KCNU1: variants seen among roughly 807,000 people sequenced by gnomAD.
The protein encoded by KCNU1 is potassium calcium-activated channel subfamily U member 1, also known as potassium channel subfamily U member 1.
KCNU1 carries 93 observed loss-of-function variants against 126.8 expected under a neutral mutation model. The ratio of observed to expected loss-of-function variants is 0.73; its 90% CI spans 0.62 to 0.87. The LOEUF (loss-of-function observed/expected upper bound fraction) is 0.87. KCNU1 is among the 40% of genes least tolerant of loss of function. KCNU1 has a pLI of 0.00. For missense variants in KCNU1, 1,330 were observed against 1,367.1 expected (o/e 0.97, Z 0.43); for synonymous variants, 523 against 494.2 (o/e 1.06, Z -0.77).
At chr8:36,800,544 C>CT (rs1056032863) in intron 2 of KCNU1, among the ~76,000 whole-genome samples, 2 of 152,234 alleles carry the variant, frequency 1.3e-5, no homozygotes, top group African/African-American at 2.4e-5. Flanking sequence ...TCTGAGAGTG[C>CT]TCAGCCTCAG....
Position 36,909,497 on chromosome 8 carries a change from C to A in KCNU1, c.2293C>A (p.Arg765=), listed in dbSNP as rs776075611. 1.2e-6 allele frequency: 2 copies of A among 1,611,814 alleles called. No individual in the cohort carries two copies. The highest frequency in any genetic ancestry group is 1.7e-4 in the Middle Eastern group (1 of 6,046). ...TCTGGACTATCTACAGAGAGAATGG[C>A]GATTTCTCTGGAATTTTCCCCAGAT... ...GSLDYLQREW[R]FLWNFPQIYI... Residue 765 remains arginine (R), a synonymous_variant, in exon 21 of 27, where the codon CGA becomes AGA. Transcript: ENST00000399881.
intron 10 of KCNU1, among the ~76,000 whole-genome samples, chr8:36,824,958 G>T (rs1277305563): frequency 6.6e-6 from 1 of 152,118 alleles, no homozygotes; most frequent in Admixed American, 6.5e-5. Context: ...TTTTGTATAT[G>T]TATCTTGGTA....
chr8:36,828,717 G>A (rs1377672274), intron 10 of KCNU1, among the ~76,000 whole-genome samples: 1 of 151,900 alleles, frequency 6.6e-6, no homozygotes, highest in Non-Finnish European at 1.5e-5. Flanking sequence ...CTTGTATATG[G>A]CTCCTGGTGG....
intron 16 of KCNU1, 47 bp downstream of exon 16, chr8:36,841,050 T>C: frequency 6.2e-6 from 8 of 1,285,702 alleles, no homozygotes; most frequent in Non-Finnish European, 8.8e-6. Context: ...TTTTTTTTTT[T>C]TTTTTTCCTG....
chr8:36,800,069 CT>C (rs1803248549), intron 2 of KCNU1, among the ~76,000 whole-genome samples: 1 of 152,102 alleles, frequency 6.6e-6, no homozygotes, highest in African/African-American at 2.4e-5. Context: ...CCTCTCAAAT[CT>C]CACTAGAAAC....
chr8:36,794,824 GA>G (rs1172869713), intron 2 of KCNU1, among the ~76,000 whole-genome samples: 3 of 152,084 alleles, frequency 2.0e-5, no homozygotes, highest in African/African-American at 7.2e-5. Flanking sequence ...ATTTAATTGA[GA>G]GGCTGAGGTG....
chr8:36,930,742 G>A (rs1808675479), intron 24 of KCNU1, among the ~76,000 whole-genome samples: 3 of 152,104 alleles, frequency 2.0e-5, no homozygotes, highest in Admixed American at 2.0e-4. Flanking sequence ...AACTGGGTCA[G>A]TATTGTTTTC....
At chr8:36,810,717 G>A (rs1803680299) in intron 7 of KCNU1, among the ~76,000 whole-genome samples, 1 of 152,098 alleles carries the variant, frequency 6.6e-6, no homozygotes, top group Non-Finnish European at 1.5e-5. Context: ...TGGCACCTGT[G>A]CCTAAATTCT....
At chr8:36,880,884 T>A (rs1254327898) in intron 19 of KCNU1, among the ~76,000 whole-genome samples, 1 of 152,142 alleles carries the variant, frequency 6.6e-6, no homozygotes, top group African/African-American at 2.4e-5. Flanking sequence ...AAGAATTGAA[T>A]ATTCTTTGAG....
At chr8:36,807,503 G>T in intron 6 of KCNU1, 53 bp downstream of exon 6, 1 of 1,302,936 alleles carries the variant, frequency 7.7e-7, no homozygotes, top group Non-Finnish European at 1.1e-6. Flanking sequence ...ATTAGAAAAT[G>T]AATGTATTAA....
chr8:36,824,102 A>G (rs1281525418), intron 10 of KCNU1, among the ~76,000 whole-genome samples: 3 of 152,074 alleles, frequency 2.0e-5, no homozygotes, highest in Non-Finnish European at 4.4e-5. Flanking sequence ...CTCCCAAAGT[A>G]CTGGGATTGC....
chr8:36,877,954 G>A (rs946184312), intron 19 of KCNU1, among the ~76,000 whole-genome samples: 1 of 152,056 alleles, frequency 6.6e-6, no homozygotes, highest in Non-Finnish European at 1.5e-5. Flanking sequence ...TACATAGAAT[G>A]TTCTTCTGTC....
At chr8:36,841,365 A>G (rs1158501765) in intron 16 of KCNU1, among the ~76,000 whole-genome samples, 1 of 152,174 alleles carries the variant, frequency 6.6e-6, no homozygotes, top group Admixed American at 6.5e-5. Context: ...ATCATTTGTG[A>G]TAAAAATGTT....
chr8:36,929,720 A>T (rs370767092), intron 24 of KCNU1, among the ~76,000 whole-genome samples: 53 of 152,210 alleles, frequency 3.5e-4, no homozygotes, highest in South Asian at 2.1e-3. Context: ...CCCAGAGGGG[A>T]CAGGTCATGG....
In KCNU1 at chr8:36,804,082, C is replaced by G; in HGVS notation, c.371C>G (p.Ser124Cys). The G allele has an allele frequency of 6.4e-7, 1 of 1,552,102 alleles. No individual in the cohort carries two copies. Residue 124 changes from serine to cysteine, a missense_variant, in exon 3 of 27, where the codon TCT becomes TGT. Transcript: ENST00000399881. The part of the protein sequence containing the change: ...IGSLIIYFIN[S>C]ADPVGSCSSY... Reference sequence around the variant, plus strand: ...TCTCTTATAATCTATTTCATCAATTCTGCTGAGTGAGTACAATGTCCAGTC... The same window carrying G: ...TCTCTTATAATCTATTTCATCAATTGTGCTGAGTGAGTACAATGTCCAGTC...
At chr8:36,870,376 C>T (rs76868821) in intron 19 of KCNU1, among the ~76,000 whole-genome samples, 1 of 152,154 alleles carries the variant, frequency 6.6e-6, no homozygotes, top group African/African-American at 2.4e-5. Flanking sequence ...TATTTTCATG[C>T]CCCCTCTGCC....
At chr8:36,810,762 A>G (rs1803681086) in intron 7 of KCNU1, among the ~76,000 whole-genome samples, 1 of 152,220 alleles carries the variant, frequency 6.6e-6, no homozygotes, top group Admixed American at 6.5e-5. Flanking sequence ...TGGAAAGCAG[A>G]GAAACATTAG....
intron 20 of KCNU1, among the ~76,000 whole-genome samples, chr8:36,908,910 C>T (rs1476716500): frequency 1.3e-5 from 2 of 152,086 alleles, no homozygotes; most frequent in African/African-American, 4.8e-5. Context: ...CATAATTTAG[C>T]ATTGAATCTG....
chr8:36,821,041 G>A (rs1804104727), intron 10 of KCNU1, among the ~76,000 whole-genome samples: 1 of 152,090 alleles, frequency 6.6e-6, no homozygotes, highest in Non-Finnish European at 1.5e-5. Flanking sequence ...TTTTCTGATA[G>A]CAGCCCTACC....
Sources: allele counts gnomAD v4.1 joint callset (sites outside exome capture counted in the v4.1 genomes callset), GRCh38; gene constraint gnomAD v4.1.1; transcripts MANE v1.5; gene names NCBI Gene and HGNC (gene_info 2026-07-23, HGNC 2026-07-21).